The following ZDHHC11 variants were observed in gnomAD, a reference collection of about 807,000 sequenced individuals.
The protein encoded by ZDHHC11 is palmitoyltransferase ZDHHC11.
ZDHHC11 carries 44 observed loss-of-function variants against 51.3 expected under a neutral mutation model. That is an observed-to-expected ratio of 0.86 (90% confidence interval 0.67 to 1.10). The LOEUF (loss-of-function observed/expected upper bound fraction) is 1.10, where lower values mean the gene tolerates loss of function less well. Ranked by LOEUF, ZDHHC11 falls within the 50% of genes least tolerant of loss-of-function variation. The pLI is 0.00. For synonymous variants in ZDHHC11, 163 were observed against 222.0 expected (o/e 0.73, Z 2.36); for missense variants, 400 against 537.7 (o/e 0.74, Z 2.53).
intron 12 of ZDHHC11, among the ~76,000 whole-genome samples, chr5:797,228 A>G (rs371812429): frequency 9.4e-3 from 1,261 of 133,922 alleles, no homozygotes; most frequent in Admixed American, 0.016. Context: ...GTGTGTGTGT[A>G]TATATATATA....
intron 11 of ZDHHC11, among the ~76,000 whole-genome samples, chr5:807,968 C>T (rs1018623053): frequency 2.0e-5 from 3 of 151,068 alleles, no homozygotes; most frequent in African/African-American, 7.4e-5. Context: ...GAGCCTGCAG[C>T]TAAGAGAAGG....
chr5:856,152 A>G (rs1748205400), intron 1 of ZDHHC11, among the ~76,000 whole-genome samples: 1 of 151,952 alleles, frequency 6.6e-6, no homozygotes, highest in South Asian at 2.1e-4. Context: ...CACACAATCC[A>G]CATCACACAC....
At chr5:797,214 A>ATG (rs376163224) in intron 12 of ZDHHC11, among the ~76,000 whole-genome samples, 23,591 of 145,400 alleles carry the variant, frequency 0.16, 786 homozygotes, top group East Asian at 0.34. Context: ...CTAAATACAT[A>ATG]TGTGTGTGTG....
chr5:839,725 C>T (rs1230469724), intron 5 of ZDHHC11: 2 of 155,832 alleles, frequency 1.3e-5, no homozygotes, highest in African/African-American at 2.4e-5. Flanking sequence ...CCTGACCCAC[C>T]CAACTCCCTC....
chr5:838,224 CA>C (rs1250809152), intron 5 of ZDHHC11, among the ~76,000 whole-genome samples: 4 of 151,954 alleles, frequency 2.6e-5, no homozygotes, highest in Non-Finnish European at 5.9e-5. Flanking sequence ...CTGCAGGCAG[CA>C]AAGCAGCCCA....
Position 850,450 on chromosome 5 carries a change from G to A in ZDHHC11, c.153C>T (p.Gly51=), listed in dbSNP as rs779537557. Residue 51 remains glycine, a synonymous_variant, in exon 1 of 13, where the codon GGC becomes GGT. Coordinates refer to ENST00000283441, the MANE Select transcript of ZDHHC11 (RefSeq NM_024786.3). ...FQVVTWAVFV[G]LSSATFGIFI... is the part of the protein sequence containing the mutation. ...AGATCCCGAAGGTGGCCGAGGAAAGGCCCACGAAGACAGCCCAGGTCACCA... is the reference window on the plus strand; with the variant it reads ...AGATCCCGAAGGTGGCCGAGGAAAGACCCACGAAGACAGCCCAGGTCACCA... 20 of 1,613,530 alleles carry A rather than the reference G, an allele frequency of 1.2e-5. 1 individual carries two copies. In the South Asian group the frequency reaches 1.9e-4, roughly 15 times the overall value.
In ZDHHC11 at chr5:850,636, C is replaced by T; in HGVS notation, c.-34G>A. 1 of 1,604,044 alleles carries T rather than the reference C, an allele frequency of 6.2e-7. No homozygotes were observed. The highest frequency in any genetic ancestry group is 8.5e-7 in the Non-Finnish European group (1 of 1,177,174). On this transcript the variant is annotated 5_prime_UTR_variant, in exon 1 of 13. It removes the in-frame stop codon of an upstream open reading frame in the 5' UTR. Transcript: ENST00000283441. ...CACAGAAGGGGAGGACCTGCGCCGTCAGATCCTGGGAGGGCCGGCCCCGCC... is the reference window on the plus strand; with the variant it reads ...CACAGAAGGGGAGGACCTGCGCCGTTAGATCCTGGGAGGGCCGGCCCCGCC...
chr5:818,765 G>A (rs1394861917), intron 10 of ZDHHC11, among the ~76,000 whole-genome samples: 11 of 151,576 alleles, frequency 7.3e-5, no homozygotes, highest in African/African-American at 1.9e-4. Flanking sequence ...GGAGGCTGAG[G>A]TGGGAAGATC....
At chr5:800,951 T>C in intron 12 of ZDHHC11, 149 bp downstream of exon 12, 1 of 838,098 alleles carries the variant, frequency 1.2e-6, no homozygotes, top group Non-Finnish European at 1.9e-6. Context: ...ACGGTTCCTG[T>C]TCTGGGGTTA....
chr5:817,040 G>A (rs1170912562), intron 10 of ZDHHC11: 2 of 198,178 alleles, frequency 1.0e-5, no homozygotes, highest in East Asian at 1.3e-4. Flanking sequence ...ACTGCCCTGG[G>A]GGGTAGGGGA....
chr5:818,875 C>A lies in ZDHHC11; in HGVS notation c.1146+650G>T, dbSNP rs1465662802. ...GATCCCATCTCCAAAAAATAAATAA[C>A]AACCCAGTAGAAACCGCTGGAAGCT... On this transcript the variant is annotated intron_variant, in intron 10 of 12. Transcript: ENST00000283441. Among the ~76,000 whole-genome samples, 5 of 151,362 alleles carry A rather than the reference C, an allele frequency of 3.3e-5. No homozygotes were observed. In the East Asian group the frequency reaches 7.7e-4, roughly 23 times the overall value.
intron 10 of ZDHHC11, chr5:816,796 C>T: frequency 2.1e-6 from 1 of 477,494 alleles, no homozygotes; most frequent in South Asian, 1.8e-5. Flanking sequence ...TATTTGGGAG[C>T]TGCCCTCCAG....
rs150356247 is a variant in ZDHHC11 at position 814,878 on chromosome 5, T to G, written c.1147-83A>C. On this transcript the variant is annotated intron_variant, in intron 10 of 12. Coordinates refer to ENST00000283441, the MANE Select transcript of ZDHHC11 (RefSeq NM_024786.3). ...ACTTATTCTTAAAATTCAAGTTCAT[T>G]ACTAGTCAGTTCTGAGTAATGGTAC... The G allele has an allele frequency of 3.2e-3, 4,251 of 1,345,024 alleles. 109 individuals are homozygous for G. The highest frequency in any genetic ancestry group is 3.9e-3 in the Non-Finnish European group (3,902 of 1,001,604). 83.3% of individuals were successfully genotyped at this position (1,345,024 alleles called of 1,614,324 possible).
intron 4 of ZDHHC11, chr5:841,015 C>A (rs1218850419): frequency 2.5e-6 from 3 of 1,209,212 alleles, no homozygotes; most frequent in Non-Finnish European, 2.1e-6. Context: ...ACAGCGCCCA[C>A]CCCCCTTCCT....
chr5:819,247 C>A lies in ZDHHC11; in HGVS notation c.1146+278G>T, dbSNP rs192708655. 2.2e-4 allele frequency among the ~76,000 whole-genome samples: 33 copies of A among 151,736 alleles called. No homozygotes were observed. In the East Asian group the frequency reaches 5.2e-3, roughly 24 times the overall value. ...TGGGCACTTCAGAGCCTGCCCTGGG[C>A]ATCTGCCCATCACCGCAGCCTGATG... is the stretch of plus-strand genomic sequence containing the variant. On this transcript the variant is annotated intron_variant, in intron 10 of 12. Coordinates refer to ENST00000283441, the MANE Select transcript of ZDHHC11 (RefSeq NM_024786.3).
intron 6 of ZDHHC11, among the ~76,000 whole-genome samples, chr5:834,058 C>T (rs530155741): frequency 1.3e-5 from 2 of 152,424 alleles, no homozygotes; most frequent in Admixed American, 6.5e-5. Flanking sequence ...AAACTGCTTT[C>T]CAGTGTGGTG....
upstream of ZDHHC11, among the ~76,000 whole-genome samples, chr5:855,237 G>A (rs540684413): frequency 1.7e-4 from 26 of 149,620 alleles, no homozygotes; most frequent in African/African-American, 6.5e-4. Flanking sequence ...CCCCACAGAG[G>A]ACAGCGAGCC....
upstream of ZDHHC11, among the ~76,000 whole-genome samples, chr5:855,602 C>T (rs550797414): frequency 6.8e-6 from 1 of 147,408 alleles, no homozygotes; most frequent in East Asian, 2.1e-4. Context: ...GGACAGTGAG[C>T]AGCGGGGACA....
At chr5:843,772 GT>G in intron 3 of ZDHHC11, 48 bp from the exon 4 acceptor site, 1 of 1,415,604 alleles carries the variant, frequency 7.1e-7, no homozygotes, top group Non-Finnish European at 9.4e-7. Flanking sequence ...CGTGGGAGCA[GT>G]GGGGGCGCAG....
Sources: gnomAD v4.1 joint callset for allele counts (sites outside exome capture counted in the v4.1 genomes callset) on GRCh38, gnomAD v4.1.1 for gene constraint, MANE v1.5 for transcripts, NCBI Gene and HGNC (gene_info 2026-07-23, HGNC 2026-07-21) for gene names.